Variants in LRP2 observed in about 807,000 individuals in gnomAD.
LRP2 encodes low-density lipoprotein receptor-related protein 2.
Under a neutral mutation model 531.0 loss-of-function variants are expected in LRP2, and 172 were observed. That is an observed-to-expected ratio of 0.32 (90% CI 0.29 to 0.37). The LOEUF is 0.37. LRP2 is among the 10% of genes least tolerant of loss of function. The pLI, the probability that LRP2 is intolerant of heterozygous loss-of-function variation, is 1.00. For synonymous variants in LRP2, 1,992 were observed against 2,027.6 expected, an observed-to-expected ratio of 0.98 and a Z score of 0.47; for missense variants, 5,167 against 5,868.3, an observed-to-expected ratio of 0.88 and a Z score of 3.90.
rs542085015 is a variant in LRP2, at chr2:169,329,112, T to G, written c.80-8228A>C. Among the ~76,000 whole-genome samples, 205 of 152,172 alleles carry G rather than the reference T, an allele frequency of 1.3e-3. 2 individuals carry two copies. Among genetic ancestry groups the G allele is most frequent in the Non-Finnish European group, 1.3e-3 (90 of 68,026 alleles). ...GGAGATAATAAAAACTAACTGACTT[T>G]GGCGAAAAAAATAACACTACAGGCC... On this transcript the variant is annotated intron_variant, in intron 1 of 78. Coordinates refer to ENST00000649046, the MANE Select transcript of LRP2 (RefSeq NM_004525.3).
chr2:169,308,315 C>T (rs1280874146), intron 3 of LRP2, among the ~76,000 whole-genome samples: 1 of 151,988 alleles, frequency 6.6e-6, no homozygotes, highest in Non-Finnish European at 1.5e-5. Flanking sequence ...TGTTGGTGTG[C>T]TGCCCCCATT....
chr2:169,260,435 C>A (rs1026970958), intron 16 of LRP2, among the ~76,000 whole-genome samples: 2 of 151,970 alleles, frequency 1.3e-5, no homozygotes, highest in Non-Finnish European at 2.9e-5. Context: ...TCATGATGAC[C>A]ACCAGGTGGG....
In LRP2 at chr2:169,197,028, T is replaced by C. The variant is rs763428791; in HGVS notation, c.8581A>G (p.Thr2861Ala). 1.5e-5 allele frequency: 25 copies of C among 1,613,704 alleles called. No homozygotes were observed. The Admixed American group carries it at 3.7e-4, about 24-fold the overall frequency. The change falls in exon 46 of 79, where the codon ACT (threonine) becomes GCT (alanine). Residue 2861 changes from threonine to alanine, a missense_variant and splice_region_variant. Physicochemically the swap from Thr to Ala is moderately conservative, Grantham distance 58 (BLOSUM62 0). Coordinates refer to ENST00000649046, the MANE Select transcript of LRP2 (RefSeq NM_004525.3). The stretch of plus-strand genomic sequence containing the variant: ...AACTCACTGCTGCTGCACGTGTGAG[T>C]GGCTGCAGGAGGGAAAGAAGATAAA... ...NSDENPTYCT[T>A]HTCSSSEFQC...
intron 4 of LRP2, among the ~76,000 whole-genome samples, chr2:169,299,684 T>C (rs1168476467): frequency 1.3e-5 from 2 of 152,074 alleles, no homozygotes; most frequent in Non-Finnish European, 2.9e-5. Context: ...GTACATCATG[T>C]TTAGTGGCAC....
At chr2:169,225,090 A>G (rs1689151223) in intron 33 of LRP2, among the ~76,000 whole-genome samples, 1 of 148,668 alleles carries the variant, frequency 6.7e-6, no homozygotes, top group South Asian at 2.1e-4. Flanking sequence ...GACTTTGTCT[A>G]AAAAAAAAAT....
At chr2:169,336,969 C>G (rs1029457725) in intron 1 of LRP2, among the ~76,000 whole-genome samples, 1 of 152,178 alleles carries the variant, frequency 6.6e-6, no homozygotes, top group Non-Finnish European at 1.5e-5. Flanking sequence ...GCAACTTAAA[C>G]TTAAAAGGCT....
chr2:169,293,079 G>A (rs62171263), intron 6 of LRP2, among the ~76,000 whole-genome samples: 44,736 of 152,000 alleles, frequency 0.29, 7,311 homozygotes, highest in Middle Eastern at 0.38. Flanking sequence ...GTCAGGCATG[G>A]CTCATTGAAA....
chr2:169,213,711 C>T lies in LRP2; in HGVS notation c.5986G>A (p.Val1996Ile). ...AGATTTGGAACATTATCTCTCAAGA[C>T]TATTTTGTTGGCCCCAGTGGCCTTA... is the stretch of plus-strand genomic sequence containing the variant. Reference protein sequence around the residue: ...VDKATGANKIVLRDNVPNLRG... With the variant: ...VDKATGANKIILRDNVPNLRG... The change falls in exon 36 of 79, where the codon GTC (valine) becomes ATC (isoleucine). Residue 1996 changes from valine to isoleucine, a missense_variant. Coordinates refer to ENST00000649046, the MANE Select transcript of LRP2 (RefSeq NM_004525.3). 6.2e-7 allele frequency: 1 copy of T among 1,613,820 alleles called. No homozygotes were observed. The highest frequency in any genetic ancestry group is 8.5e-7 in the Non-Finnish European group (1 of 1,179,844).
At chr2:169,278,281 T>C (rs1055861169) in intron 12 of LRP2, among the ~76,000 whole-genome samples, 7 of 152,178 alleles carry the variant, frequency 4.6e-5, no homozygotes, top group Non-Finnish European at 7.4e-5. Context: ...GGCCCATGTT[T>C]CAAGACCAGC....
At chr2:169,351,829 T>C (rs1481436614) in intron 1 of LRP2, among the ~76,000 whole-genome samples, 2 of 152,170 alleles carry the variant, frequency 1.3e-5, no homozygotes, top group Non-Finnish European at 2.9e-5. Context: ...GATCAGGGCC[T>C]TGCCAAGCAC....
In LRP2 at chr2:169,209,555, C is replaced by T. The variant is rs1688521185; in HGVS notation, c.6367G>A (p.Ala2123Thr). ...CCATCTGGTTTAATTCTACGGATCGCATTATCAGATGCCACTGAGCTGCTA... is the reference window on the plus strand; with the variant it reads ...CCATCTGGTTTAATTCTACGGATCGTATTATCAGATGCCACTGAGCTGCTA... Reference protein sequence around the residue: ...DFSSSVASDNAIRRIKPDGSS... With the variant: ...DFSSSVASDNTIRRIKPDGSS... Residue 2123 changes from alanine to threonine, a missense_variant, in exon 38 of 79, where the codon GCG (alanine) becomes ACG (threonine). Coordinates refer to ENST00000649046, the MANE Select transcript of LRP2 (RefSeq NM_004525.3). 1 of 1,614,120 alleles carries T rather than the reference C, an allele frequency of 6.2e-7. No individual in the cohort carries two copies. The highest frequency in any genetic ancestry group is 8.5e-7 in the Non-Finnish European group (1 of 1,179,992).
chr2:169,234,889 A>G lies in LRP2; in HGVS notation c.4920+951T>C, dbSNP rs983120396. Reference sequence around the variant, plus strand: ...ATGTTATGTGAAGAACAAGACTGAGAAATATAAATCTAGTTAATTTTTGTT... The same window carrying G: ...ATGTTATGTGAAGAACAAGACTGAGGAATATAAATCTAGTTAATTTTTGTT... On this transcript the variant is annotated intron_variant, in intron 29 of 78. Coordinates refer to ENST00000649046, the MANE Select transcript of LRP2 (RefSeq NM_004525.3). Among the ~76,000 whole-genome samples the G allele has an allele frequency of 3.3e-5, 5 of 150,746 alleles. No individual in the cohort carries two copies. The East Asian group carries it at 9.7e-4, about 29-fold the overall frequency.
Position 169,362,391 on chromosome 2 carries a change from G to A in LRP2, c.9C>T (p.Arg3=). 1 of 1,564,384 alleles carries A rather than the reference G, an allele frequency of 6.4e-7. No individual in the cohort carries two copies. The highest frequency in any genetic ancestry group is 8.6e-7 in the Non-Finnish European group (1 of 1,156,808). Residue 3 remains arginine, a synonymous_variant, in exon 1 of 79, where the codon CGC becomes CGT. Coordinates refer to ENST00000649046, the MANE Select transcript of LRP2 (RefSeq NM_004525.3). ...GCGTGCACGCCACTGCTGCCGGCCCGCGATCCATCTCCGCGACGGTCCCCG... is the reference window on the plus strand; with the variant it reads ...GCGTGCACGCCACTGCTGCCGGCCCACGATCCATCTCCGCGACGGTCCCCG... MD[R]GPAAVACTLL...
chr2:169,203,792 G>T (rs546394321), intron 42 of LRP2, among the ~76,000 whole-genome samples, 190 bp downstream of exon 42: 1 of 152,258 alleles, frequency 6.6e-6, no homozygotes, highest in East Asian at 1.9e-4. Context: ...TCATAAAAGG[G>T]CTCCATATAG....
intron 68 of LRP2, among the ~76,000 whole-genome samples, 153 bp from the exon 69 acceptor site, chr2:169,147,112 G>A (rs1216250479): frequency 6.6e-6 from 1 of 152,158 alleles, no homozygotes; most frequent in African/African-American, 2.4e-5. Flanking sequence ...AGAAGATGGG[G>A]AGCAAAAATA....
chr2:169,226,740 T>C (rs893228227), intron 31 of LRP2, 152 bp from the exon 32 acceptor site: 12 of 698,106 alleles, frequency 1.7e-5, no homozygotes, highest in South Asian at 8.3e-5. Flanking sequence ...CAGACAAGCA[T>C]GGGCCTTTCC....
At position 169,225,539 on chromosome 2, in the gene LRP2, C is replaced by T. The variant is rs1033799363; in HGVS notation, c.5395-86G>A. 5.4e-6 allele frequency: 8 copies of T among 1,476,686 alleles called. No individual in the cohort carries two copies. The Admixed American group carries it at 6.7e-5, about 12-fold the overall frequency. The allele number at this position is 1,476,686 out of a possible 1,614,324, so 91.5% of individuals were successfully genotyped here. A position where few individuals can be genotyped will look rare whatever the true frequency, so the allele number is the denominator to read the frequency against. On this transcript the variant is annotated intron_variant, in intron 32 of 78. Transcript: ENST00000649046. ...CTTTCTTCACTGTGGCTACTGCCAG[C>T]TGCTGTATTTCTTGAACAGTCCTTA...
chr2:169,129,157 A>T (rs1032157112), intron 77 of LRP2, 73 bp from the exon 78 acceptor site: 2 of 1,121,076 alleles, frequency 1.8e-6, no homozygotes, highest in African/African-American at 3.1e-5. Flanking sequence ...CTCCTGTCTC[A>T]GTTTTAAAAT....
chr2:169,354,494 G>A (rs1000099857), intron 1 of LRP2, among the ~76,000 whole-genome samples: 1 of 152,154 alleles, frequency 6.6e-6, no homozygotes, highest in Admixed American at 6.5e-5. Context: ...GTAACCTTGA[G>A]GTCAGGCATG....
Sources: gnomAD v4.1 joint callset for allele counts (sites outside exome capture counted in the v4.1 genomes callset) on GRCh38, gnomAD v4.1.1 for gene constraint, MANE v1.5 for transcripts, NCBI Gene and HGNC (gene_info 2026-07-23, HGNC 2026-07-21) for gene names.